Variants in ZBTB20 observed in about 807,000 individuals in gnomAD.
ZBTB20 encodes zinc finger and BTB domain containing 20, also known as zinc finger and BTB domain-containing protein 20.
ZBTB20 carries 9 observed loss-of-function variants against 56.9 expected under a neutral mutation model. That is an observed-to-expected ratio of 0.16 (90% CI 0.10 to 0.28). ZBTB20 has a LOEUF of 0.28. Among genes scored for constraint, ZBTB20 ranks in the 10% least tolerant of loss-of-function variants. The pLI is 1.00. For missense variants in ZBTB20, 655 were observed against 1,003.0 expected (o/e 0.65, Z 4.69); for synonymous variants, 417 against 420.7 (o/e 0.99, Z 0.11).
intron 3 of ZBTB20, among the ~76,000 whole-genome samples, chr3:114,958,458 T>C (rs890753101): frequency 1.3e-5 from 2 of 152,170 alleles, no homozygotes; most frequent in Non-Finnish European, 2.9e-5. Flanking sequence ...AATTAACACT[T>C]GCACTGGAGT....
intron 7 of ZBTB20, among the ~76,000 whole-genome samples, chr3:114,449,935 T>C (rs2091498926): frequency 6.6e-6 from 1 of 152,060 alleles, no homozygotes; most frequent in South Asian, 2.1e-4. Context: ...ATTGAGTTAA[T>C]TTTTTTTCTT....
intron 1 of ZBTB20, among the ~76,000 whole-genome samples, chr3:115,137,983 G>A (rs890988534): frequency 1.3e-5 from 2 of 151,938 alleles, no homozygotes; most frequent in East Asian, 1.9e-4. Flanking sequence ...CTTTGTTTTC[G>A]AAACTCTCAG....
At chr3:114,780,519 C>T (rs1373593569) in intron 5 of ZBTB20, among the ~76,000 whole-genome samples, 3 of 152,126 alleles carry the variant, frequency 2.0e-5, no homozygotes, top group South Asian at 2.1e-4. Context: ...GACGGAGTCT[C>T]GTTCTGTTGC....
intron 3 of ZBTB20, among the ~76,000 whole-genome samples, chr3:114,972,778 G>A (rs919885322): frequency 3.3e-5 from 5 of 151,764 alleles, no homozygotes; most frequent in East Asian, 3.9e-4. Context: ...CAAATAAATC[G>A]TCTAGCAGAT....
rs557648564 is a variant in ZBTB20, at chr3:114,431,885, T to G, written c.-254-42780A>C. On this transcript the variant is annotated intron_variant, in intron 7 of 11. Coordinates refer to ENST00000675478, the MANE Select transcript of ZBTB20 (RefSeq NM_001348800.3). ...AGATTTGTCCATGTTGGAAACAGCATTCACAGTAGCTTTTCGGTCAAGTGG... is the reference window on the plus strand; with the variant it reads ...AGATTTGTCCATGTTGGAAACAGCAGTCACAGTAGCTTTTCGGTCAAGTGG... Among the ~76,000 whole-genome samples, 6 of 152,282 alleles carry G rather than the reference T, an allele frequency of 3.9e-5. No homozygotes were observed. In the East Asian group the frequency reaches 1.2e-3, roughly 29 times the overall value.
At chr3:114,404,730 A>C (rs1371862553) in intron 7 of ZBTB20, among the ~76,000 whole-genome samples, 2 of 151,848 alleles carry the variant, frequency 1.3e-5, no homozygotes, top group African/African-American at 2.4e-5. Context: ...TACACAGAAA[A>C]CCCAATACCC....
At chr3:114,922,112 G>T (rs2075982641) in intron 3 of ZBTB20, among the ~76,000 whole-genome samples, 1 of 152,060 alleles carries the variant, frequency 6.6e-6, no homozygotes, top group African/African-American at 2.4e-5. Flanking sequence ...TGCGGGAAAA[G>T]CACCTGACAA....
At chr3:114,691,830 CTATG>C (rs2062715351) in intron 6 of ZBTB20, among the ~76,000 whole-genome samples, 1 of 151,778 alleles carries the variant, frequency 6.6e-6, no homozygotes, top group South Asian at 2.1e-4. Flanking sequence ...CATTTTACTC[CTATG>C]TGTTTTTCTA....
chr3:114,531,328 T>A (rs2047817267), intron 6 of ZBTB20, among the ~76,000 whole-genome samples: 1 of 152,200 alleles, frequency 6.6e-6, no homozygotes, highest in South Asian at 2.1e-4. Flanking sequence ...GCTTTTATAG[T>A]CCATTTGAGA....
At chr3:114,580,864 A>C (rs1350977102) in intron 6 of ZBTB20, among the ~76,000 whole-genome samples, 1 of 151,904 alleles carries the variant, frequency 6.6e-6, no homozygotes, top group Admixed American at 6.6e-5. Context: ...AAAAATGTCA[A>C]TTCTCCCCAG....
intron 5 of ZBTB20, among the ~76,000 whole-genome samples, chr3:114,793,779 T>C (rs1203165276): frequency 6.6e-6 from 1 of 152,090 alleles, no homozygotes; most frequent in Non-Finnish European, 1.5e-5. Flanking sequence ...CTCAAGCTTT[T>C]TTCCACTAAA....
chr3:114,660,387 A>G (rs548797030), intron 6 of ZBTB20, among the ~76,000 whole-genome samples: 1 of 152,294 alleles, frequency 6.6e-6, no homozygotes, highest in Non-Finnish European at 1.5e-5. Context: ...GTTTTAAAGG[A>G]AAAACATACA....
intron 4 of ZBTB20, among the ~76,000 whole-genome samples, chr3:114,807,645 C>T (rs965139325): frequency 6.6e-6 from 1 of 152,032 alleles, no homozygotes; most frequent in Admixed American, 6.6e-5. Flanking sequence ...TTCATAGATG[C>T]CCTTTGTCAG....
chr3:114,526,005 C>A (rs1276028845), intron 6 of ZBTB20, among the ~76,000 whole-genome samples: 1 of 152,236 alleles, frequency 6.6e-6, no homozygotes, highest in Non-Finnish European at 1.5e-5. Context: ...ATATTCAAGG[C>A]ATAGCTGCCA....
intron 3 of ZBTB20, among the ~76,000 whole-genome samples, chr3:114,946,222 G>A (rs998606591): frequency 1.4e-5 from 2 of 145,350 alleles, no homozygotes; most frequent in East Asian, 1.9e-4. Context: ...ATATTTGCAG[G>A]TGCACATAGA....
chr3:114,536,584 A>C (rs1043848337), intron 6 of ZBTB20, among the ~76,000 whole-genome samples: 1 of 152,232 alleles, frequency 6.6e-6, no homozygotes, highest in Non-Finnish European at 1.5e-5. Context: ...TATAGATTCA[A>C]TGCTATCCCC....
At chr3:115,045,526 T>C (rs1369005955) in intron 2 of ZBTB20, among the ~76,000 whole-genome samples, 1 of 151,926 alleles carries the variant, frequency 6.6e-6, no homozygotes, top group Non-Finnish European at 1.5e-5. Context: ...TTTACTGGTA[T>C]TGTTATTGTC....
chr3:115,110,095 C>T (rs2083832142), intron 1 of ZBTB20, among the ~76,000 whole-genome samples: 1 of 151,974 alleles, frequency 6.6e-6, no homozygotes, highest in Admixed American at 6.6e-5. Context: ...ACCTGTAATC[C>T]CAGCTACTCG....
At position 114,338,779 on chromosome 3, in the gene ZBTB20, G is replaced by C; in HGVS notation, c.*226C>G. 1 of 439,996 alleles carries C rather than the reference G, an allele frequency of 2.3e-6. No individual in the cohort carries two copies. Among genetic ancestry groups the C allele is most frequent in the East Asian group, 3.7e-5 (1 of 27,120 alleles). 27.3% of individuals were successfully genotyped at this position (439,996 alleles called of 1,614,324 possible). ...CTACCAGGCCTTAAGGCCACCATCCGAGGGAGACTGGGAAAACTATTATTC... is the reference window on the plus strand; with the variant it reads ...CTACCAGGCCTTAAGGCCACCATCCCAGGGAGACTGGGAAAACTATTATTC... On this transcript the variant is annotated 3_prime_UTR_variant, in exon 12 of 12. Transcript: ENST00000675478.
Sources: gnomAD v4.1 joint callset for allele counts (sites outside exome capture counted in the v4.1 genomes callset) on GRCh38, gnomAD v4.1.1 for gene constraint, MANE v1.5 for transcripts, NCBI Gene and HGNC (gene_info 2026-07-23, HGNC 2026-07-21) for gene names.